NTM: variants seen among roughly 807,000 people sequenced by gnomAD.
NTM encodes the protein neurotrimin, also known as IgLON family member 2.
NTM carries 13 observed loss-of-function variants against 42.1 expected under a neutral mutation model. The ratio of observed to expected loss-of-function variants is 0.31; its 90% CI spans 0.20 to 0.49. The LOEUF (loss-of-function observed/expected upper bound fraction) is 0.49, where lower values mean the gene tolerates loss of function less well. NTM is among the 20% of genes least tolerant of loss of function. NTM has a pLI of 0.99. For missense variants in NTM, 373 were observed against 452.8 expected (o/e 0.82, Z 1.60); for synonymous variants, 187 against 179.2 (o/e 1.04, Z -0.35).
At chr11:131,759,758 C>T (rs1447766864) in intron 1 of NTM, among the ~76,000 whole-genome samples, 2 of 151,422 alleles carry the variant, frequency 1.3e-5, no homozygotes, top group African/African-American at 4.9e-5. Context: ...ATTCTTTATC[C>T]AGGTCATTAA....
intron 7 of NTM, among the ~76,000 whole-genome samples, chr11:132,319,481 T>A (rs1826661568): frequency 6.6e-6 from 1 of 152,144 alleles, no homozygotes; most frequent in Admixed American, 6.5e-5. Context: ...ATCCCACACC[T>A]GGCTTGGAGG....
At chr11:131,781,202 C>A (rs893830863) in intron 1 of NTM, among the ~76,000 whole-genome samples, 19 of 151,758 alleles carry the variant, frequency 1.3e-4, no homozygotes, top group African/African-American at 4.6e-4. Context: ...AGAAATAGCA[C>A]TCTAAAATTT....
intron 1 of NTM, among the ~76,000 whole-genome samples, chr11:131,426,257 T>A (rs1254849392): frequency 6.6e-6 from 1 of 152,164 alleles, no homozygotes; most frequent in Non-Finnish European, 1.5e-5. Context: ...CCTGATTCCA[T>A]ACACACATTT....
At position 131,840,339 on chromosome 11, in the gene NTM, G is replaced by A. The variant is rs148928619; in HGVS notation, c.83-71225G>A. Among the ~76,000 whole-genome samples the A allele has an allele frequency of 1.5e-3, 229 of 152,226 alleles. 2 individuals carry two copies. The highest frequency in any genetic ancestry group is 5.3e-3 in the African/African-American group (219 of 41,532). On this transcript the variant is annotated intron_variant, in intron 1 of 8. Coordinates refer to ENST00000683400, the MANE Select transcript of NTM (RefSeq NM_001352005.2). ...GACACTGTACAGGAAAATCCCTCAG[G>A]AGGCAAACCAAGAGCATGTTCTCCT...
chr11:132,202,687 A>C (rs2081339096), intron 3 of NTM, among the ~76,000 whole-genome samples: 1 of 152,208 alleles, frequency 6.6e-6, no homozygotes, highest in Admixed American at 6.5e-5. Flanking sequence ...GCATGGAATA[A>C]GGAAAGAATG....
chr11:132,293,391 G>A (rs996275963), intron 4 of NTM, among the ~76,000 whole-genome samples: 3 of 152,172 alleles, frequency 2.0e-5, no homozygotes, highest in Admixed American at 1.3e-4. Flanking sequence ...CCATGTCCCC[G>A]CCTGAGTATG....
chr11:132,035,919 T>C (rs550854180), intron 2 of NTM, among the ~76,000 whole-genome samples: 1 of 152,286 alleles, frequency 6.6e-6, no homozygotes, highest in Admixed American at 6.5e-5. Flanking sequence ...AATTCCCTTA[T>C]CTCTCCGTGA....
At chr11:131,713,390 T>G (rs987767869) in intron 1 of NTM, among the ~76,000 whole-genome samples, 4 of 152,300 alleles carry the variant, frequency 2.6e-5, no homozygotes, top group Middle Eastern at 3.4e-3. Flanking sequence ...TCCAGCCTAG[T>G]CTGTCTCAAT....
intron 1 of NTM, among the ~76,000 whole-genome samples, chr11:131,426,340 G>C (rs568864283): frequency 2.6e-5 from 4 of 152,170 alleles, no homozygotes; most frequent in South Asian, 4.2e-4. Flanking sequence ...GGCTGCACAG[G>C]GGTTAAGAGC....
intron 2 of NTM, among the ~76,000 whole-genome samples, chr11:131,956,969 A>T (rs1317026992): frequency 6.6e-6 from 1 of 151,110 alleles, no homozygotes; most frequent in Non-Finnish European, 1.5e-5. Context: ...TCAGGCTCCT[A>T]TTTTGTGCTG....
chr11:131,955,129 A>T (rs1822898303), intron 2 of NTM, among the ~76,000 whole-genome samples: 2 of 152,080 alleles, frequency 1.3e-5, no homozygotes, highest in African/African-American at 4.8e-5. Flanking sequence ...CTGCTGTCAA[A>T]TTGCCCTTCA....
At chr11:131,718,018 T>A (rs187448117) in intron 1 of NTM, among the ~76,000 whole-genome samples, 58 of 152,358 alleles carry the variant, frequency 3.8e-4, no homozygotes, top group Admixed American at 3.3e-4. Context: ...ATTGGTTGAT[T>A]ATTTTTAATG....
At chr11:132,334,476 G>A (rs1250193281) in intron 8 of NTM, among the ~76,000 whole-genome samples, 1 of 152,252 alleles carries the variant, frequency 6.6e-6, no homozygotes, top group Non-Finnish European at 1.5e-5. Flanking sequence ...AAGAGGTCAA[G>A]TGCTCCAGGT....
At chr11:131,965,036 C>A (rs1376154360) in intron 2 of NTM, among the ~76,000 whole-genome samples, 1 of 151,674 alleles carries the variant, frequency 6.6e-6, no homozygotes, top group Non-Finnish European at 1.5e-5. Context: ...TACGCTGGAA[C>A]CTGGGGAAGA....
intron 7 of NTM, among the ~76,000 whole-genome samples, chr11:132,315,833 C>T (rs189941429): frequency 1.3e-5 from 2 of 152,238 alleles, no homozygotes; most frequent in East Asian, 3.9e-4. Context: ...GCCCTTGATC[C>T]CCGAGCCAGT....
chr11:131,464,366 G>GA (rs908933142), intron 1 of NTM, among the ~76,000 whole-genome samples: 5 of 152,138 alleles, frequency 3.3e-5, no homozygotes, highest in Admixed American at 1.3e-4. Flanking sequence ...AGCTGGGGGG[G>GA]GGGCAGCAAC....
intron 1 of NTM, among the ~76,000 whole-genome samples, chr11:131,389,761 G>T (rs985761857): frequency 6.6e-6 from 1 of 152,154 alleles, no homozygotes; most frequent in African/African-American, 2.4e-5. Flanking sequence ...AACTGGCTGC[G>T]TTACAAATAG....
chr11:131,763,709 C>CTTTTTTTTTTTTTTTTTTTTT lies in NTM; in HGVS notation c.83-147849_83-147829dup, dbSNP rs557522093. Among the ~76,000 whole-genome samples the CTTTTTTTTTTTTTTTTTTTTT allele has an allele frequency of 9.8e-4, 70 of 71,364 alleles. 10 individuals are homozygous for CTTTTTTTTTTTTTTTTTTTTT. The highest frequency in any genetic ancestry group is 1.9e-3 in the Admixed American group (10 of 5,344). The allele number at this position is 71,364 out of a possible 152,430, so 46.8% of individuals were successfully genotyped here. A position where few individuals can be genotyped will look rare whatever the true frequency, so the allele number is the denominator to read the frequency against. Reference sequence around the variant, plus strand: ...CTTATCCACAGGCCCATCTCTCTCTCTTTTTTTTTTTTTTTTTTTTTTTTT... The same window carrying CTTTTTTTTTTTTTTTTTTTTT: ...CTTATCCACAGGCCCATCTCTCTCTCTTTTTTTTTTTTTTTTTTTTTTTTTTTTTTTTTTTTTTTTTTTTTT... On this transcript the variant is annotated intron_variant, in intron 1 of 8. Coordinates refer to ENST00000683400, the MANE Select transcript of NTM (RefSeq NM_001352005.2).
At chr11:132,061,049 T>C (rs1409508724) in intron 2 of NTM, among the ~76,000 whole-genome samples, 1 of 152,206 alleles carries the variant, frequency 6.6e-6, no homozygotes, top group African/African-American at 2.4e-5. Flanking sequence ...ATTGAAGATA[T>C]AGTAGTGCTG....
Sources: gnomAD v4.1 joint callset for allele counts (sites outside exome capture counted in the v4.1 genomes callset) on GRCh38, gnomAD v4.1.1 for gene constraint, MANE v1.5 for transcripts, NCBI Gene and HGNC (gene_info 2026-07-23, HGNC 2026-07-21) for gene names.